TNFRSF18: variants seen among roughly 807,000 people sequenced by gnomAD.
TNFRSF18 encodes TNF receptor superfamily member 18.
TNFRSF18 carries 36 observed loss-of-function variants against 30.2 expected under a neutral mutation model. The ratio of observed to expected loss-of-function variants is 1.19; its 90% confidence interval spans 0.91 to 1.58. The LOEUF (loss-of-function observed/expected upper bound fraction) is 1.58, where lower values mean the gene tolerates loss of function less well. TNFRSF18 is among the 40% of genes most tolerant of loss of function. TNFRSF18 has a pLI of 0.00. For missense variants in TNFRSF18, 369 were observed against 345.4 expected, an observed-to-expected ratio of 1.07 and a Z score of -0.54; for synonymous variants, 173 against 158.3, an observed-to-expected ratio of 1.09 and a Z score of -0.70.
Position 1,204,111 on chromosome 1 carries a change from G to A in TNFRSF18, c.524C>T (p.Ala175Val), listed in dbSNP as rs1284602879. The A allele has an allele frequency of 6.2e-7, 1 of 1,610,714 alleles. No homozygotes were observed. The highest frequency in any genetic ancestry group is 1.3e-5 in the African/African-American group (1 of 75,032). ...WLTVVLLAVA[A>V]CVLLLTSAQL... ...GGCCGAGGTCAGGAGGAGGACGCAG[G>A]CGGCCACGGCCAGGAGGACGACGGT... is the stretch of plus-strand genomic sequence containing the variant. Residue 175 changes from alanine (A) to valine (V), a missense_variant, in exon 4 of 5, where the codon GCC becomes GTC. Ala to Val is a moderately conservative substitution (Grantham distance 64, BLOSUM62 0). Coordinates refer to ENST00000379268, the MANE Select transcript of TNFRSF18 (RefSeq NM_004195.3).
In TNFRSF18 at chr1:1,206,459, C is replaced by T. The variant is rs1343551905; in HGVS notation, c.113G>A (p.Arg38His). 2.1e-5 allele frequency: 33 copies of T among 1,546,776 alleles called. No individual in the cohort carries two copies. The highest frequency in any genetic ancestry group is 2.7e-5 in the Non-Finnish European group (31 of 1,146,000). Reference sequence around the variant, plus strand: ...GTCCGTTCCCGTCCCAAGCAGGAGGCGCCCAGGGCCGCACCCGGGACCCCC... The same window carrying T: ...GTCCGTTCCCGTCCCAAGCAGGAGGTGCCCAGGGCCGCACCCGGGACCCCC... ...PTGGPGCGPG[R>H]LLLGTGTDAR... Residue 38 changes from arginine to histidine, a missense_variant, in exon 1 of 5, where the codon CGC (arginine) becomes CAC (histidine). Arg to His is a conservative substitution (Grantham distance 29). Coordinates refer to ENST00000379268, the MANE Select transcript of TNFRSF18 (RefSeq NM_004195.3).
At chr1:1,204,636 TG>T in intron 2 of TNFRSF18, 150 bp from the exon 3 acceptor site, 1 of 692,074 alleles carries the variant, frequency 1.4e-6, no homozygotes, top group South Asian at 1.7e-5. Context: ...GAGTTCTTCA[TG>T]GCCCAGGACT....
In TNFRSF18 at chr1:1,204,189, T is replaced by G. The variant is rs1648691061; in HGVS notation, c.446A>C (p.His149Pro). Reference sequence around the variant, plus strand: ...GGACCCTGGGACGCACACAGCGTTGTGGGTCTTGTTCCCAGGGAACACAGT... The same window carrying G: ...GGACCCTGGGACGCACACAGCGTTGGGGGTCTTGTTCCCAGGGAACACAGT... ...FLTVFPGNKTHNAVCVPGSPP... is the reference protein window; with the variant it reads ...FLTVFPGNKTPNAVCVPGSPP... Residue 149 changes from histidine to proline, a missense_variant, in exon 4 of 5, where the codon CAC (histidine) becomes CCC (proline). Physicochemically the swap from His to Pro is moderately conservative, Grantham distance 77. Transcript: ENST00000379268. 3.7e-6 allele frequency: 6 copies of G among 1,612,144 alleles called. No individual in the cohort carries two copies. Among genetic ancestry groups the G allele is most frequent in the Non-Finnish European group, 3.4e-6 (4 of 1,179,682 alleles).
Position 1,203,700 on chromosome 1 carries a change from C to T in TNFRSF18, c.*144G>A, listed in dbSNP as rs1570452668. On this transcript the variant is annotated 3_prime_UTR_variant, in exon 5 of 5. Coordinates refer to ENST00000379268, the MANE Select transcript of TNFRSF18 (RefSeq NM_004195.3). ...GGCCGCCGAACTGCATGGTCCAGGG[C>T]GCTGGTCACTGCCACCTTCCTGCAC... is the stretch of plus-strand genomic sequence containing the variant. 1.0e-5 allele frequency: 16 copies of T among 1,564,178 alleles called. No homozygotes were observed. Among genetic ancestry groups the T allele is most frequent in the Non-Finnish European group, 1.4e-5 (16 of 1,161,124 alleles).
Position 1,204,488 on chromosome 1 carries a change from TGGTGTGG to T in TNFRSF18, c.311-9_311-3del. ...ACTGGAAGCCAAAACTGAATTTCCCTGGTGTGGGGTGTGGGGGGAGGGAGGGAGGGAG... is the reference window on the plus strand; with the variant it reads ...ACTGGAAGCCAAAACTGAATTTCCCTGGTGTGGGGGGAGGGAGGGAGGGAG... On this transcript the variant is annotated splice_polypyrimidine_tract_variant and splice_region_variant and intron_variant, in intron 2 of 4. Transcript: ENST00000379268. 3 of 625,956 alleles carry T rather than the reference TGGTGTGG, an allele frequency of 4.8e-6. No homozygotes were observed. The highest frequency in any genetic ancestry group is 8.3e-6 in the Non-Finnish European group (3 of 362,310). The allele number at this position is 625,956 out of a possible 1,614,324, so 38.8% of individuals were successfully genotyped here. A position where few individuals can be genotyped will look rare whatever the true frequency, so the allele number is the denominator to read the frequency against.
Position 1,206,263 on chromosome 1 carries a change from T to C in TNFRSF18, c.187+122A>G, listed in dbSNP as rs534463488. The stretch of plus-strand genomic sequence containing the variant: ...GGAAGGCTCCCGCTGCTGGCGGCTC[T>C]GTGCCCACCCTCCTTAGACCTCAGC... On this transcript the variant is annotated intron_variant, in intron 1 of 4. Coordinates refer to ENST00000379268, the MANE Select transcript of TNFRSF18 (RefSeq NM_004195.3). The C allele has an allele frequency of 1.4e-4, 160 of 1,170,460 alleles. 1 individual carries two copies. The African/African-American group carries it at 2.2e-3, about 16-fold the overall frequency. 72.5% of individuals were successfully genotyped at this position (1,170,460 alleles called of 1,614,324 possible).
Position 1,204,220 on chromosome 1 carries a change from AC to A in TNFRSF18, c.414del (p.Leu140SerfsTer27), listed in dbSNP as rs776254620. 6.2e-7 allele frequency: 1 copy of A among 1,611,270 alleles called. No individual in the cohort carries two copies. The highest frequency in any genetic ancestry group is 1.3e-5 in the African/African-American group (1 of 75,006). On this transcript the variant is annotated frameshift_variant, in exon 4 of 5. Transcript: ENST00000379268. LOFTEE classifies it high-confidence loss of function. ...CKPWTDCTQF[G>X]FLTVFPGNKT... ...TTGTTCCCAGGGAACACAGTGAGAA[AC>A]CCGAACTGGGTGCAGCTGGAATACA...
rs1260835390 is a variant in TNFRSF18, at chr1:1,203,666, C to T, written c.*178G>A. ...GTGTCTCTCTCTCCCTCCTGCAGGG[C>T]CCAGCCGCGGCCGCCGAACTGCATG... On this transcript the variant is annotated 3_prime_UTR_variant, in exon 5 of 5. Transcript: ENST00000379268. The T allele has an allele frequency of 6.5e-7, 1 of 1,550,248 alleles. No homozygotes were observed. The highest frequency in any genetic ancestry group is 1.4e-5 in the African/African-American group (1 of 73,708).
chr1:1,205,281 C>T (rs1648758611), intron 2 of TNFRSF18, 89 bp downstream of exon 2: 36 of 1,539,836 alleles, frequency 2.3e-5, no homozygotes, highest in Admixed American at 1.4e-4. Flanking sequence ...CACATGTCCT[C>T]GCCGGACACC....
Position 1,206,408 on chromosome 1 carries a change from G to A in TNFRSF18, c.164C>T (p.Thr55Met), listed in dbSNP as rs766858940. Reference sequence around the variant, plus strand: ...ACCCGGGTAATCGCGGCAGCAGCGCGTCGTGTGAACCCGGCAGCAGCGCGC... The same window carrying A: ...ACCCGGGTAATCGCGGCAGCAGCGCATCGTGTGAACCCGGCAGCAGCGCGC... ...TDARCCRVHTTRCCRDYPGEE... is the reference protein window; with the variant it reads ...TDARCCRVHTMRCCRDYPGEE... The change falls in exon 1 of 5, where the codon ACG (threonine) becomes ATG (methionine). Residue 55 changes from threonine (T) to methionine (M), a missense_variant. Coordinates refer to ENST00000379268, the MANE Select transcript of TNFRSF18 (RefSeq NM_004195.3). The A allele has an allele frequency of 1.6e-5, 24 of 1,547,268 alleles. No individual in the cohort carries two copies. Among genetic ancestry groups the A allele is most frequent in the Middle Eastern group, 2.1e-4 (1 of 4,864 alleles).
Position 1,203,908 on chromosome 1 carries a change from G to A in TNFRSF18, c.662C>T (p.Pro221Leu), listed in dbSNP as rs755303779. Residue 221 changes from proline (P) to leucine (L), a missense_variant, in exon 5 of 5, where the codon CCC (proline) becomes CTC (leucine). Transcript: ENST00000379268. ...STEDARSCQF[P>L]EEERGERSAE... ...CGATCGCTCGCCCCGCTCTTCCTCGGGGAACTGGCAGCTTCTGGCGTCTTC... is the reference window on the plus strand; with the variant it reads ...CGATCGCTCGCCCCGCTCTTCCTCGAGGAACTGGCAGCTTCTGGCGTCTTC... The A allele has an allele frequency of 6.2e-7, 1 of 1,607,688 alleles. No individual in the cohort carries two copies. Among genetic ancestry groups the A allele is most frequent in the Non-Finnish European group, 8.5e-7 (1 of 1,179,536 alleles).
Position 1,206,501 on chromosome 1 carries a change from A to C in TNFRSF18, c.71T>G (p.Leu24Arg). 6.5e-7 allele frequency: 1 copy of C among 1,545,066 alleles called. No homozygotes were observed. The highest frequency in any genetic ancestry group is 8.7e-7 in the Non-Finnish European group (1 of 1,145,164). The change falls in exon 1 of 5, where the codon CTG becomes CGG. Residue 24 changes from leucine (L) to arginine (R), a missense_variant. Leu to Arg is a moderately radical substitution (Grantham distance 102). Coordinates refer to ENST00000379268, the MANE Select transcript of TNFRSF18 (RefSeq NM_004195.3). ...CGLALLCALS[L>R]GQRPTGGPGC... ...GGGACCCCCGGTGGGGCGCTGACCCAGGCTGAGCGCGCACAGCAGCGCCAG... is the reference window on the plus strand; with the variant it reads ...GGGACCCCCGGTGGGGCGCTGACCCCGGCTGAGCGCGCACAGCAGCGCCAG...
Position 1,205,469 on chromosome 1 carries a change from C to G in TNFRSF18, c.211G>C (p.Asp71His). 1 of 1,612,430 alleles carries G rather than the reference C, an allele frequency of 6.2e-7. No homozygotes were observed. Among genetic ancestry groups the G allele is most frequent in the Non-Finnish European group, 8.5e-7 (1 of 1,179,728 alleles). Residue 71 changes from aspartate to histidine, a missense_variant, in exon 2 of 5, where the codon GAC becomes CAC. Physicochemically the swap from Asp to His is moderately conservative, Grantham distance 81. Transcript: ENST00000379268. Reference protein sequence around the residue: ...YPGEECCSEWDCMCVQPEFHC... With the variant: ...YPGEECCSEWHCMCVQPEFHC... Reference sequence around the variant, plus strand: ...AATTCAGGCTGGACACACATGCAGTCCCACTCGGAACAGCACTCCTCGCCT... The same window carrying G: ...AATTCAGGCTGGACACACATGCAGTGCCACTCGGAACAGCACTCCTCGCCT...
At position 1,204,197 on chromosome 1, in the gene TNFRSF18, G is replaced by A; in HGVS notation, c.438C>T (p.Asn146=). Residue 146 remains asparagine, a synonymous_variant, in exon 4 of 5, where the codon AAC becomes AAT. Coordinates refer to ENST00000379268, the MANE Select transcript of TNFRSF18 (RefSeq NM_004195.3). ...QFGFLTVFPG[N]KTHNAVCVPG... ...GGACGCACACAGCGTTGTGGGTCTT[G>A]TTCCCAGGGAACACAGTGAGAAACC... The A allele has an allele frequency of 1.2e-6, 2 of 1,612,072 alleles. No individual in the cohort carries two copies. The highest frequency in any genetic ancestry group is 1.7e-6 in the Non-Finnish European group (2 of 1,179,652).
At chr1:1,205,318 C>G in intron 2 of TNFRSF18, 52 bp downstream of exon 2, 1 of 1,587,284 alleles carries the variant, frequency 6.3e-7, no homozygotes, top group Non-Finnish European at 8.6e-7. Flanking sequence ...GCCTCGGGCC[C>G]TAGTGGAACC....
Position 1,204,141 on chromosome 1 carries a change from C to T in TNFRSF18, c.494G>A (p.Trp165Ter). 6.2e-7 allele frequency: 1 copy of T among 1,612,026 alleles called. No homozygotes were observed. The highest frequency in any genetic ancestry group is 8.5e-7 in the Non-Finnish European group (1 of 1,179,678). Residue 165 changes from tryptophan (W) to a stop codon, truncating the protein, a stop_gained, in exon 4 of 5, where the codon TGG becomes TAG. Coordinates refer to ENST00000379268, the MANE Select transcript of TNFRSF18 (RefSeq NM_004195.3). LOFTEE classifies it high-confidence loss of function. ...PGSPPAEPLG[W>*]LTVVLLAVAA... is the part of the protein sequence containing the mutation. Reference sequence around the variant, plus strand: ...CACGGCCAGGAGGACGACGGTCAGCCACCCAAGCGGCTCTGCCGGCGGGGA... The same window carrying T: ...CACGGCCAGGAGGACGACGGTCAGCTACCCAAGCGGCTCTGCCGGCGGGGA...
At position 1,203,812 on chromosome 1, in the gene TNFRSF18, C is replaced by T; in HGVS notation, c.*32G>A. 1 of 1,577,588 alleles carries T rather than the reference C, an allele frequency of 6.3e-7. No homozygotes were observed. Among genetic ancestry groups the T allele is most frequent in the Non-Finnish European group, 8.6e-7 (1 of 1,168,096 alleles). On this transcript the variant is annotated 3_prime_UTR_variant, in exon 5 of 5. Transcript: ENST00000379268. ...TGGGGAGCTCCTGGGGAGGGGCTGG[C>T]TGCGGTCGGTGGCCCCGGAGGACGG...
In TNFRSF18 at chr1:1,204,272, G is replaced by A. The variant is rs199794367; in HGVS notation, c.399-36C>T. ...TGGACGCGGCCTCCTATCAGCCCCC[G>A]GACACGGCCTCCGATCAGCCCCCGG... On this transcript the variant is annotated intron_variant, in intron 3 of 4. Coordinates refer to ENST00000379268, the MANE Select transcript of TNFRSF18 (RefSeq NM_004195.3). 1.3e-5 allele frequency: 20 copies of A among 1,597,364 alleles called. No homozygotes were observed. The East Asian group carries it at 2.3e-4, about 18-fold the overall frequency.
In TNFRSF18 at chr1:1,204,205, GGA is replaced by G; in HGVS notation, c.428_429del (p.Phe143SerfsTer?). ...DCTQFGFLTV[F>X]PGNKTHNAVC... ...ACAGCGTTGTGGGTCTTGTTCCCAGGGAACACAGTGAGAAACCCGAACTGGGT... is the reference window on the plus strand; with the variant it reads ...ACAGCGTTGTGGGTCTTGTTCCCAGGACACAGTGAGAAACCCGAACTGGGT... On this transcript the variant is annotated frameshift_variant, in exon 4 of 5. Coordinates refer to ENST00000379268, the MANE Select transcript of TNFRSF18 (RefSeq NM_004195.3). LOFTEE classifies it high-confidence loss of function. 1 of 1,611,918 alleles carries G rather than the reference GGA, an allele frequency of 6.2e-7. No individual in the cohort carries two copies. The highest frequency in any genetic ancestry group is 2.2e-5 in the East Asian group (1 of 44,862).
Sources: allele counts gnomAD v4.1 joint callset, GRCh38; gene constraint gnomAD v4.1.1; transcripts MANE v1.5; gene names NCBI Gene and HGNC (gene_info 2026-07-23, HGNC 2026-07-21).